ULK4: variants seen among roughly 807,000 people sequenced by gnomAD.
The protein encoded by ULK4 is inactive serine/threonine-protein kinase ULK4.
A neutral mutation model predicts 160.6 loss-of-function variants in ULK4; 133 were observed. The ratio of observed to expected loss-of-function variants is 0.83; its 90% CI spans 0.72 to 0.96. The LOEUF is 0.96. Among genes scored for constraint, ULK4 ranks in the 40% least tolerant of loss-of-function variants. The pLI, the probability that ULK4 is intolerant of heterozygous loss-of-function variation, is 0.00. For missense variants in ULK4, 1,580 were observed against 1,499.5 expected (o/e 1.05, Z -0.89); for synonymous variants, 534 against 539.8 (o/e 0.99, Z 0.15).
chr3:41,714,766 C>T (rs61132520), intron 25 of ULK4, among the ~76,000 whole-genome samples: 1,571 of 150,718 alleles, frequency 0.01, 23 homozygotes, highest in African/African-American at 0.036. Flanking sequence ...TCAGGAGAAT[C>T]GCTTGAACCC....
At chr3:41,910,709 TAAC>T (rs1172241908) in intron 11 of ULK4, among the ~76,000 whole-genome samples, 3 of 152,092 alleles carry the variant, frequency 2.0e-5, no homozygotes, top group Admixed American at 6.6e-5. Flanking sequence ...TTCAAAGCAT[TAAC>T]AACAACAACA....
intron 32 of ULK4, among the ~76,000 whole-genome samples, chr3:41,478,926 G>C (rs2125894255): frequency 6.6e-6 from 1 of 152,320 alleles, no homozygotes; most frequent in African/African-American, 2.4e-5. Flanking sequence ...ATTACGTCCA[G>C]GTAATAAGAT....
chr3:41,496,755 T>C (rs2085005841), intron 32 of ULK4, among the ~76,000 whole-genome samples: 1 of 151,858 alleles, frequency 6.6e-6, no homozygotes, highest in South Asian at 2.1e-4. Flanking sequence ...AGTCAAGGAG[T>C]TCCGACAATC....
At chr3:41,463,592 C>G (rs1000778784) in intron 32 of ULK4, among the ~76,000 whole-genome samples, 1 of 152,178 alleles carries the variant, frequency 6.6e-6, no homozygotes, top group Non-Finnish European at 1.5e-5. Context: ...TCCCCAGATT[C>G]TTGTTTGAAG....
intron 35 of ULK4, among the ~76,000 whole-genome samples, chr3:41,349,018 T>A (rs2080860186): frequency 6.6e-6 from 1 of 152,144 alleles, no homozygotes; most frequent in Non-Finnish European, 1.5e-5. Context: ...CTTCCCCAAG[T>A]CAGCCTCTGA....
intron 22 of ULK4, among the ~76,000 whole-genome samples, chr3:41,728,503 C>G (rs1458494675): frequency 5.3e-5 from 8 of 152,124 alleles, no homozygotes; most frequent in Admixed American, 5.2e-4. Context: ...CCTCATGAGC[C>G]AAGCACCTGC....
intron 16 of ULK4, among the ~76,000 whole-genome samples, chr3:41,887,032 G>T (rs1697746480): frequency 6.6e-6 from 1 of 152,120 alleles, no homozygotes. Flanking sequence ...AAACTACAAA[G>T]TCAAAGTAAC....
chr3:41,511,066 G>A (rs2085556257), intron 32 of ULK4, among the ~76,000 whole-genome samples: 1 of 151,804 alleles, frequency 6.6e-6, no homozygotes, highest in Admixed American at 6.6e-5. Flanking sequence ...GGGAGGCTGA[G>A]GCAGGAGAAT....
At chr3:41,834,732 C>T (rs183872331) in intron 18 of ULK4, among the ~76,000 whole-genome samples, 19 of 152,194 alleles carry the variant, frequency 1.2e-4, no homozygotes, top group Admixed American at 3.3e-4. Flanking sequence ...TGAGCAAGTG[C>T]TAGAACCAAA....
chr3:41,579,640 C>T (rs549020643), intron 31 of ULK4, among the ~76,000 whole-genome samples: 8 of 151,954 alleles, frequency 5.3e-5, no homozygotes, highest in Non-Finnish European at 7.4e-5. Flanking sequence ...ACTACAGGCG[C>T]GCGCCTCCAT....
chr3:41,705,207 T>C (rs2036831089), intron 26 of ULK4, 47 bp downstream of exon 26: 5 of 1,610,296 alleles, frequency 3.1e-6, no homozygotes, highest in South Asian at 1.1e-5. Context: ...AATCATAATA[T>C]CAAAGTACCT....
rs575512009 is a variant in ULK4, at chr3:41,264,143, G to GA, written c.3679-14570_3679-14569insT. Among the ~76,000 whole-genome samples the GA allele has an allele frequency of 8.6e-4, 131 of 152,282 alleles. 1 individual carries two copies. Among genetic ancestry groups the GA allele is most frequent in the African/African-American group, 3.1e-3 (127 of 41,556 alleles). On this transcript the variant is annotated intron_variant, in intron 35 of 36. Transcript: ENST00000301831. ...ATGTGAGGGACTTATATTGTAAAAA[G>GA]GGGTGATAGCAGCAACCATGAAGGC...
chr3:41,522,083 C>G (rs1378654411), intron 32 of ULK4, among the ~76,000 whole-genome samples: 3 of 151,070 alleles, frequency 2.0e-5, no homozygotes, highest in Non-Finnish European at 4.4e-5. Context: ...CTATTTTAAA[C>G]ATGTTTTAAA....
At chr3:41,856,241 A>G (rs1227004022) in intron 17 of ULK4, among the ~76,000 whole-genome samples, 1 of 151,974 alleles carries the variant, frequency 6.6e-6, no homozygotes, top group African/African-American at 2.4e-5. Flanking sequence ...TGCCTCTCCT[A>G]CTGTCCAAAA....
Position 41,246,836 on chromosome 3 carries a change from G to C in ULK4, c.*93C>G. 2.1e-6 allele frequency: 3 copies of C among 1,450,518 alleles called. No individual in the cohort carries two copies. The highest frequency in any genetic ancestry group is 1.4e-5 in the African/African-American group (1 of 71,538). The allele number at this position is 1,450,518 out of a possible 1,614,324, so 89.9% of individuals were successfully genotyped here. On this transcript the variant is annotated 3_prime_UTR_variant, in exon 37 of 37. Coordinates refer to ENST00000301831, the MANE Select transcript of ULK4 (RefSeq NM_017886.4). ...CTTTATTAGGTCCAAAGACAGCTGT[G>C]AGGGGATGTGGCAAAGGTGTCTGGG...
chr3:41,791,730 A>T (rs1403253552), intron 20 of ULK4, among the ~76,000 whole-genome samples: 1 of 152,216 alleles, frequency 6.6e-6, no homozygotes, highest in Non-Finnish European at 1.5e-5. Context: ...GGAGATTTTT[A>T]AATTAATACT....
chr3:41,389,568 G>A (rs942292289), intron 35 of ULK4, among the ~76,000 whole-genome samples: 1 of 152,160 alleles, frequency 6.6e-6, no homozygotes, highest in African/African-American at 2.4e-5. Context: ...TTTACTGAGA[G>A]TTATTAGCAT....
chr3:41,661,478 TAGGC>T (rs1464605362), intron 30 of ULK4, among the ~76,000 whole-genome samples: 3 of 141,964 alleles, frequency 2.1e-5, no homozygotes, highest in African/African-American at 6.3e-5. Flanking sequence ...TACATACAGA[TAGGC>T]AGGCAGATAG....
chr3:41,900,232 A>G (rs1252832310), intron 13 of ULK4, among the ~76,000 whole-genome samples: 3 of 150,486 alleles, frequency 2.0e-5, no homozygotes, highest in Admixed American at 6.6e-5. Context: ...ATGTCTCCCC[A>G]TCGTCTCCCC....
Sources: gnomAD v4.1 joint callset for allele counts (sites outside exome capture counted in the v4.1 genomes callset) on GRCh38, gnomAD v4.1.1 for gene constraint, MANE v1.5 for transcripts, NCBI Gene and HGNC (gene_info 2026-07-23, HGNC 2026-07-21) for gene names.